CORIN: variants seen among roughly 807,000 people sequenced by gnomAD.
The protein encoded by CORIN is atrial natriuretic peptide-converting enzyme.
Under a neutral mutation model 125.3 loss-of-function variants are expected in CORIN, and 117 were observed. The observed-to-expected ratio is 0.93, with a 90% confidence interval of 0.80 to 1.09. CORIN has a LOEUF of 1.09. Ranked by LOEUF, CORIN falls within the 50% of genes least tolerant of loss-of-function variation. The pLI is 0.00. For synonymous variants in CORIN, 450 were observed against 466.4 expected (o/e 0.96, Z 0.45); for missense variants, 1,253 against 1,306.7 (o/e 0.96, Z 0.63).
At chr4:47,735,890 CACTCCAGCCTGGGCGACAGAG>C (rs1453046647) in intron 5 of CORIN, among the ~76,000 whole-genome samples, 5 of 148,646 alleles carry the variant, frequency 3.4e-5, no homozygotes, top group Non-Finnish European at 5.9e-5. Flanking sequence ...CGCGTCACTG[CACTCCAGCCTGGGCGACAGAG>C]ACTCCAGCCT....
At chr4:47,792,976 T>C (rs1050263052) in intron 2 of CORIN, among the ~76,000 whole-genome samples, 1 of 152,192 alleles carries the variant, frequency 6.6e-6, no homozygotes, top group Non-Finnish European at 1.5e-5. Context: ...GTCTAGCCAA[T>C]CTTGACTAAA....
intron 5 of CORIN, among the ~76,000 whole-genome samples, chr4:47,721,641 T>C (rs1727356610): frequency 6.6e-6 from 1 of 152,172 alleles, no homozygotes; most frequent in Non-Finnish European, 1.5e-5. Flanking sequence ...GGTTACGGTT[T>C]CAGCATGTAA....
At chr4:47,724,330 A>G (rs570009557) in intron 5 of CORIN, among the ~76,000 whole-genome samples, 82 of 152,320 alleles carry the variant, frequency 5.4e-4, no homozygotes, top group African/African-American at 1.9e-3. Flanking sequence ...ATATTATCTA[A>G]TATGAACAAA....
Position 47,629,271 on chromosome 4 carries a change from T to C in CORIN, c.2199-2750A>G, listed in dbSNP as rs546171038. On this transcript the variant is annotated intron_variant, in intron 16 of 21. Transcript: ENST00000273857. The stretch of plus-strand genomic sequence containing the variant: ...AGGTGACATTTCATTGTGATTTTAA[T>C]TTGCATTTCCCTGATGATTAGTAAT... Among the ~76,000 whole-genome samples the C allele has an allele frequency of 5.3e-5, 8 of 152,316 alleles. No individual in the cohort carries two copies. In the East Asian group the frequency reaches 9.6e-4, roughly 18 times the overall value.
At chr4:47,810,327 A>G (rs1200068507) in intron 1 of CORIN, among the ~76,000 whole-genome samples, 1 of 152,036 alleles carries the variant, frequency 6.6e-6, no homozygotes, top group Non-Finnish European at 1.5e-5. Flanking sequence ...GACTGGGACA[A>G]CAGGTATGCA....
chr4:47,731,249 A>T (rs982227264), intron 5 of CORIN, among the ~76,000 whole-genome samples: 8 of 152,198 alleles, frequency 5.3e-5, no homozygotes, highest in African/African-American at 1.9e-4. Flanking sequence ...GCCTTTTAGA[A>T]ACTCAAATAG....
At chr4:47,693,788 T>G (rs976114415) in intron 5 of CORIN, among the ~76,000 whole-genome samples, 1 of 152,214 alleles carries the variant, frequency 6.6e-6, no homozygotes, top group Admixed American at 6.5e-5. Context: ...AGTATTCCAC[T>G]GCTTCAAAAT....
chr4:47,789,490 T>C (rs1422709558), intron 2 of CORIN, among the ~76,000 whole-genome samples: 2 of 152,172 alleles, frequency 1.3e-5, no homozygotes, highest in Non-Finnish European at 1.5e-5. Context: ...AAAAGAAAGA[T>C]AATATTTGAG....
chr4:47,680,340 C>T (rs903332006), intron 7 of CORIN, 89 bp from the exon 8 acceptor site: 15 of 866,290 alleles, frequency 1.7e-5, no homozygotes, highest in Non-Finnish European at 2.1e-5. Context: ...CGAAGAGAGT[C>T]TGTTCCAATG....
intron 3 of CORIN, among the ~76,000 whole-genome samples, chr4:47,779,036 A>T (rs1191754512): frequency 6.6e-6 from 1 of 152,198 alleles, no homozygotes; most frequent in Non-Finnish European, 1.5e-5. Flanking sequence ...TTCCAATAAC[A>T]CCCAACTGAA....
chr4:47,643,133 ACAAGTAGCTCACCACAGTCC>A lies in CORIN; in HGVS notation c.2061_2068+12del. 1.2e-6 allele frequency: 2 copies of A among 1,614,112 alleles called. No individual in the cohort carries two copies. The highest frequency in any genetic ancestry group is 1.7e-6 in the Non-Finnish European group (2 of 1,180,006). On this transcript the variant is annotated splice_donor_variant and splice_donor_5th_base_variant and coding_sequence_variant and intron_variant, in exon 15 of 22. Coordinates refer to ENST00000273857, the MANE Select transcript of CORIN (RefSeq NM_006587.4). LOFTEE classifies it high-confidence loss of function. ...TGAGAGAGTACAACAGATGGCAGAA[ACAAGTAGCTCACCACAGTCC>A]CATTCATCTGAACTGTCTGAGCAGT...
chr4:47,635,911 TG>T (rs1321321043), intron 16 of CORIN, among the ~76,000 whole-genome samples: 8 of 152,314 alleles, frequency 5.3e-5, no homozygotes, highest in Admixed American at 5.2e-4. Context: ...AAGCCCTCTT[TG>T]GTCAACTCCT....
intron 19 of CORIN, among the ~76,000 whole-genome samples, chr4:47,613,814 G>GC (rs1721962932): frequency 8.3e-6 from 1 of 120,884 alleles, no homozygotes; most frequent in African/African-American, 3.1e-5. Context: ...GTTGTGGGGT[G>GC]GGGGGAGGGG....
At chr4:47,628,151 C>T (rs1281703449) in intron 16 of CORIN, among the ~76,000 whole-genome samples, 3 of 152,108 alleles carry the variant, frequency 2.0e-5, no homozygotes, top group Non-Finnish European at 2.9e-5. Context: ...TGAACACTGG[C>T]ATGTTTCTCA....
At chr4:47,791,189 T>G (rs1731062977) in intron 2 of CORIN, among the ~76,000 whole-genome samples, 1 of 152,146 alleles carries the variant, frequency 6.6e-6, no homozygotes, top group Admixed American at 6.5e-5. Flanking sequence ...ACAAGGGTCT[T>G]TATAAGCAGA....
At chr4:47,636,955 T>C (rs1297418116) in intron 16 of CORIN, among the ~76,000 whole-genome samples, 1 of 152,210 alleles carries the variant, frequency 6.6e-6, no homozygotes, top group East Asian at 1.9e-4. Context: ...CAGGAAAATG[T>C]AGGAAAGTTT....
intron 5 of CORIN, among the ~76,000 whole-genome samples, chr4:47,726,686 C>T (rs1327810160): frequency 6.6e-6 from 1 of 151,950 alleles, no homozygotes; most frequent in East Asian, 1.9e-4. Context: ...CAGTGAATTT[C>T]ATTGTATGGA....
At chr4:47,745,134 C>T (rs1057050748) in intron 4 of CORIN, among the ~76,000 whole-genome samples, 4 of 152,066 alleles carry the variant, frequency 2.6e-5, no homozygotes, top group African/African-American at 9.7e-5. Flanking sequence ...GATTTCTAGT[C>T]TGTCATCTGC....
chr4:47,607,882 G>A (rs1721714384), intron 19 of CORIN, among the ~76,000 whole-genome samples: 1 of 151,442 alleles, frequency 6.6e-6, no homozygotes, highest in Non-Finnish European at 1.5e-5. Flanking sequence ...TAGAGGTGGA[G>A]GTTGCAGTGA....
Sources: allele counts gnomAD v4.1 joint callset (sites outside exome capture counted in the v4.1 genomes callset), GRCh38; gene constraint gnomAD v4.1.1; transcripts MANE v1.5; gene names NCBI Gene and HGNC (gene_info 2026-07-23, HGNC 2026-07-21).